The following TMEM178B variants were observed in gnomAD, a reference collection of about 807,000 sequenced individuals.
TMEM178B encodes the protein transmembrane protein 178B.
A neutral mutation model predicts 31.0 loss-of-function variants in TMEM178B; 5 were observed. The observed-to-expected ratio is 0.16, with a 90% confidence interval of 0.08 to 0.34. The LOEUF (loss-of-function observed/expected upper bound fraction) is 0.34. Ranked by LOEUF, TMEM178B falls within the 10% of genes least tolerant of loss-of-function variation. The pLI, the probability that TMEM178B is intolerant of heterozygous loss-of-function variation, is 1.00. For synonymous variants in TMEM178B, 164 were observed against 164.0 expected, an observed-to-expected ratio of 1.00 and a Z score of 0.00; for missense variants, 275 against 400.3, an observed-to-expected ratio of 0.69 and a Z score of 2.67.
intron 2 of TMEM178B, among the ~76,000 whole-genome samples, chr7:141,313,661 C>G (rs1175605545): frequency 6.6e-6 from 1 of 152,116 alleles, no homozygotes; most frequent in South Asian, 2.1e-4. Flanking sequence ...GCTTCCTTCT[C>G]TGTGTTTTGG....
intron 2 of TMEM178B, among the ~76,000 whole-genome samples, chr7:141,388,653 C>T (rs763732469): frequency 2.6e-5 from 4 of 152,058 alleles, no homozygotes; most frequent in African/African-American, 4.8e-5. Context: ...ATAACTACTC[C>T]GGGTTGGCAT....
At chr7:141,185,325 G>A (rs1012603975) in intron 1 of TMEM178B, among the ~76,000 whole-genome samples, 1 of 152,178 alleles carries the variant, frequency 6.6e-6, no homozygotes, top group African/African-American at 2.4e-5. Context: ...TCACACATGG[G>A]CTTGGAGAAT....
intron 1 of TMEM178B, among the ~76,000 whole-genome samples, chr7:141,166,004 T>C (rs1796254771): frequency 6.6e-6 from 1 of 152,166 alleles, no homozygotes. Flanking sequence ...GGAAATGTAG[T>C]CTTTATTTGT....
chr7:141,259,257 ATTTGTTGTTATATCT>A (rs1358286960), intron 2 of TMEM178B, among the ~76,000 whole-genome samples: 2 of 152,000 alleles, frequency 1.3e-5, no homozygotes, highest in African/African-American at 4.8e-5. Flanking sequence ...ATGAAGTTTT[ATTTGTTGTTATATCT>A]TTTAACCCCA....
the TMEM178B span, among the ~76,000 whole-genome samples, chr7:141,491,701 G>A: frequency 1.3e-5 from 2 of 152,168 alleles, no homozygotes; most frequent in Non-Finnish European, 2.9e-5. Context: ...GGTCACATAG[G>A]AAGCGGGGGT....
intron 1 of TMEM178B, among the ~76,000 whole-genome samples, chr7:141,166,272 C>T (rs974246348): frequency 6.6e-6 from 1 of 152,172 alleles, no homozygotes. Context: ...ACACAGACTG[C>T]AACCAGACAG....
chr7:141,495,860 T>C, the TMEM178B span, among the ~76,000 whole-genome samples: 1 of 152,176 alleles, frequency 6.6e-6, no homozygotes, highest in Non-Finnish European at 1.5e-5. Flanking sequence ...AGAAGGTATG[T>C]GAGTTTGTCC....
At chr7:141,109,917 G>A (rs1021293420) in intron 1 of TMEM178B, among the ~76,000 whole-genome samples, 1 of 151,942 alleles carries the variant, frequency 6.6e-6, no homozygotes, top group Non-Finnish European at 1.5e-5. Context: ...CTCCAGCCTG[G>A]GTGATAGAGC....
At chr7:141,261,331 C>G (rs1208202786) in intron 2 of TMEM178B, among the ~76,000 whole-genome samples, 1 of 151,242 alleles carries the variant, frequency 6.6e-6, no homozygotes, top group Non-Finnish European at 1.5e-5. Context: ...TTTTTATTGT[C>G]TCCCAAAGCC....
At chr7:141,165,185 A>C (rs946481659) in intron 1 of TMEM178B, among the ~76,000 whole-genome samples, 1 of 65,968 alleles carries the variant, frequency 1.5e-5, no homozygotes, top group Non-Finnish European at 3.1e-5. Context: ...TTTTTATACT[A>C]ATGTCCTTTT....
the TMEM178B span, among the ~76,000 whole-genome samples, chr7:141,486,107 A>G: frequency 6.6e-6 from 1 of 152,234 alleles, no homozygotes. Flanking sequence ...AACAACATGG[A>G]TGGAACTGGA....
intron 2 of TMEM178B, among the ~76,000 whole-genome samples, chr7:141,246,701 A>G (rs1427737776): frequency 6.6e-6 from 1 of 152,082 alleles, no homozygotes; most frequent in East Asian, 1.9e-4. Flanking sequence ...AGGTGGGAAC[A>G]AGAGACATGG....
At chr7:141,253,923 A>G (rs998028814) in intron 2 of TMEM178B, among the ~76,000 whole-genome samples, 9 of 152,300 alleles carry the variant, frequency 5.9e-5, no homozygotes, top group Middle Eastern at 6.8e-3. Flanking sequence ...GACCCCCTAC[A>G]TAACAAAACC....
rs1028579738 is a variant in TMEM178B, at chr7:141,422,880, T to G, written c.497-14728T>G. Among the ~76,000 whole-genome samples, 6 of 152,004 alleles carry G rather than the reference T, an allele frequency of 3.9e-5. No individual in the cohort carries two copies. Among genetic ancestry groups the G allele is most frequent in the African/African-American group, 1.4e-4 (6 of 41,384 alleles). On this transcript the variant is annotated intron_variant, in intron 2 of 3. Coordinates refer to ENST00000565468, the MANE Select transcript of TMEM178B (RefSeq NM_001195278.2). This position sits in a 1 kb window ranked among gnomAD's most constrained non-coding sequence, Gnocchi z 4.2. ...GCGAGAGCACTATGAGTTGCAGAACTAGATCGGGGCACTTTGTAGCAAGCT... is the reference window on the plus strand; with the variant it reads ...GCGAGAGCACTATGAGTTGCAGAACGAGATCGGGGCACTTTGTAGCAAGCT...
chr7:141,482,919 G>A (rs1410799166), downstream of TMEM178B, among the ~76,000 whole-genome samples: 1 of 150,400 alleles, frequency 6.6e-6, no homozygotes, highest in Non-Finnish European at 1.5e-5. Context: ...TGTTTGCGGG[G>A]GGCGGTGGGG....
At chr7:141,362,185 A>C (rs1340901687) in intron 2 of TMEM178B, among the ~76,000 whole-genome samples, 1 of 152,246 alleles carries the variant, frequency 6.6e-6, no homozygotes, top group Non-Finnish European at 1.5e-5. Flanking sequence ...CCACAGATTA[A>C]GATATGATTT....
intron 2 of TMEM178B, among the ~76,000 whole-genome samples, chr7:141,299,476 C>T (rs999233012): frequency 2.0e-5 from 3 of 152,212 alleles, no homozygotes; most frequent in African/African-American, 7.2e-5. Context: ...AGAGCGGAAG[C>T]ACCACCTTCC....
At chr7:141,093,862 A>G (rs917022374) in intron 1 of TMEM178B, among the ~76,000 whole-genome samples, 2 of 152,214 alleles carry the variant, frequency 1.3e-5, no homozygotes, top group Non-Finnish European at 1.5e-5. Flanking sequence ...TGCAGAGGTC[A>G]TTGATTTCAG....
chr7:141,413,127 C>T (rs1330952603), intron 2 of TMEM178B, among the ~76,000 whole-genome samples: 2 of 152,202 alleles, frequency 1.3e-5, no homozygotes, highest in Non-Finnish European at 2.9e-5. Context: ...CTTCTATGCG[C>T]CACTCACAGT....
Sources: allele counts gnomAD v4.1 joint callset (sites outside exome capture counted in the v4.1 genomes callset), GRCh38; gene constraint gnomAD v4.1.1; non-coding constraint Gnocchi (gnomAD v3.1); transcripts MANE v1.5; gene names NCBI Gene and HGNC (gene_info 2026-07-23, HGNC 2026-07-21).